The following HHLA1 variants were observed in gnomAD, a reference collection of about 807,000 sequenced individuals.
HHLA1 encodes the protein HHLA1 neighbor of OC90, also known as HERV-H LTR-associating protein 1.
HHLA1 carries 72 observed loss-of-function variants against 69.9 expected under a neutral mutation model. The observed-to-expected ratio is 1.03, with a 90% confidence interval of 0.85 to 1.25. HHLA1 has a LOEUF of 1.25. Among genes scored for constraint, HHLA1 ranks in the 50% most tolerant of loss-of-function variants. HHLA1 has a pLI of 0.00. For missense variants in HHLA1, 685 were observed against 642.2 expected (o/e 1.07, Z -0.72); for synonymous variants, 252 against 233.2 (o/e 1.08, Z -0.73).
At position 132,079,752 on chromosome 8, in the gene HHLA1, T is replaced by C. The variant is rs1390943604; in HGVS notation, c.891A>G (p.Thr297=). 4.5e-6 allele frequency: 7 copies of C among 1,551,280 alleles called. No homozygotes were observed. Among genetic ancestry groups the C allele is most frequent in the African/African-American group, 2.7e-5 (2 of 73,036 alleles). Residue 297 remains threonine, a synonymous_variant, in exon 11 of 17, where the codon ACA becomes ACG. Transcript: ENST00000414222. ...GGAGAGTGTGGGAGGCACTGAACCATGTGGCTGTGGCCCTGGCTGGAAGCT... is the reference window on the plus strand; with the variant it reads ...GGAGAGTGTGGGAGGCACTGAACCACGTGGCTGTGGCCCTGGCTGGAAGCT... ...PPELPARATA[T]WFSASHTLPA... is the part of the protein sequence containing the mutation.
At chr8:132,074,486 A>G (rs1823601385) in intron 14 of HHLA1, among the ~76,000 whole-genome samples, 1 of 152,208 alleles carries the variant, frequency 6.6e-6, no homozygotes, top group Non-Finnish European at 1.5e-5. Context: ...CTCCTGCAGA[A>G]TTATTGTGAA....
At chr8:132,083,457 T>C (rs1394484111) in intron 10 of HHLA1, among the ~76,000 whole-genome samples, 1 of 151,912 alleles carries the variant, frequency 6.6e-6, no homozygotes, top group African/African-American at 2.4e-5. Flanking sequence ...TTGGCGTCCG[T>C]GATGGTCTAG....
chr8:132,109,869 C>T (rs547237118), intron 1 of HHLA1, among the ~76,000 whole-genome samples: 30 of 152,204 alleles, frequency 2.0e-4, no homozygotes, highest in African/African-American at 7.0e-4. Context: ...GGTTAGAAAT[C>T]CAGTCACACT....
chr8:132,083,636 G>T (rs564165869), intron 10 of HHLA1, among the ~76,000 whole-genome samples: 1 of 152,162 alleles, frequency 6.6e-6, no homozygotes, highest in African/African-American at 2.4e-5. Context: ...GATGGGACGC[G>T]GCTTAGGAGG....
chr8:132,107,735 G>A (rs1361804801), intron 1 of HHLA1, among the ~76,000 whole-genome samples: 4 of 152,188 alleles, frequency 2.6e-5, no homozygotes, highest in East Asian at 1.9e-4. Flanking sequence ...GATTAAGGTT[G>A]TTAGATTTAA....
chr8:132,077,724 A>G lies in HHLA1; in HGVS notation c.1171+2T>C. On this transcript the variant is annotated splice_donor_variant, in intron 12 of 16. Coordinates refer to ENST00000414222, the MANE Select transcript of HHLA1 (RefSeq NM_001145095.3). LOFTEE classifies it high-confidence loss of function. Reference sequence around the variant, plus strand: ...GAGGTAGAAGTGAGCACCCTCTCTTACCCAAGGTAGGGCTGGCCTGGGATG... The same window carrying G: ...GAGGTAGAAGTGAGCACCCTCTCTTGCCCAAGGTAGGGCTGGCCTGGGATG... 1.3e-6 allele frequency: 2 copies of G among 1,551,372 alleles called. No homozygotes were observed. Among genetic ancestry groups the G allele is most frequent in the South Asian group, 1.2e-5 (1 of 84,042 alleles).
At chr8:132,098,126 A>C (rs1437389160) in intron 5 of HHLA1, among the ~76,000 whole-genome samples, 1 of 152,220 alleles carries the variant, frequency 6.6e-6, no homozygotes, top group Non-Finnish European at 1.5e-5. Context: ...TAGGTGTTCT[A>C]TGAATATTGA....
Position 132,095,122 on chromosome 8 carries a change from T to C in HHLA1, c.448+397A>G, listed in dbSNP as rs115991300. ...TGTGTTCTTATCAATAACATTGTGC[T>C]CTTTGTATTTTTGTGTAACTTTCTT... On this transcript the variant is annotated intron_variant, in intron 7 of 16. Coordinates refer to ENST00000414222, the MANE Select transcript of HHLA1 (RefSeq NM_001145095.3). Among the ~76,000 whole-genome samples the C allele has an allele frequency of 8.3e-3, 1,260 of 152,338 alleles. 18 individuals carry two copies. Among genetic ancestry groups the C allele is most frequent in the African/African-American group, 0.028 (1,179 of 41,570 alleles).
intron 1 of HHLA1, among the ~76,000 whole-genome samples, chr8:132,106,022 A>G (rs1824196814): frequency 6.6e-6 from 1 of 152,228 alleles, no homozygotes; most frequent in Non-Finnish European, 1.5e-5. Flanking sequence ...GCTAACATTT[A>G]TTGAGCACTT....
intron 7 of HHLA1, among the ~76,000 whole-genome samples, chr8:132,094,027 GGA>G (rs774564840): frequency 6.6e-6 from 1 of 152,130 alleles, no homozygotes; most frequent in Non-Finnish European, 1.5e-5. Context: ...TCTGAAACAG[GGA>G]AGAGTTTACG....
rs1440649922 is a variant in HHLA1, at chr8:132,105,196, A to C, written c.70T>G (p.Trp24Gly). Residue 24 changes from tryptophan to glycine, a missense_variant, in exon 2 of 17, where the codon TGG (tryptophan) becomes GGG (glycine). Physicochemically the swap from Trp to Gly is radical, Grantham distance 184. Coordinates refer to ENST00000414222, the MANE Select transcript of HHLA1 (RefSeq NM_001145095.3). ...CMGLACVLSL[W>G]NTVSGIKGEA... ...CTCCAGCTAGACCCACCTGTGTTCC[A>C]AAGGGACAAGACACATGCCAGGCCC... The C allele has an allele frequency of 6.4e-7, 1 of 1,551,888 alleles. No individual in the cohort carries two copies. The highest frequency in any genetic ancestry group is 1.4e-5 in the African/African-American group (1 of 73,168).
chr8:132,082,765 A>G lies in HHLA1; in HGVS notation c.677-2799T>C, dbSNP rs531593028. On this transcript the variant is annotated intron_variant, in intron 10 of 16. Transcript: ENST00000414222. ...AGTTGTGGAGGAAGGTATTGAGGAC[A>G]AAAGAGGGTACGGGTTGGGCACCAC... Among the ~76,000 whole-genome samples, 9 of 152,324 alleles carry G rather than the reference A, an allele frequency of 5.9e-5. No homozygotes were observed. The South Asian group carries it at 1.9e-3, about 32-fold the overall frequency.
intron 10 of HHLA1, 38 bp from the exon 11 acceptor site, chr8:132,080,004 G>A: frequency 6.4e-7 from 1 of 1,551,830 alleles, no homozygotes; most frequent in Non-Finnish European, 8.7e-7. Flanking sequence ...TAACATGCTT[G>A]ACACTTTGGG....
At chr8:132,092,774 T>C (rs947313929) in intron 7 of HHLA1, among the ~76,000 whole-genome samples, 6 of 152,230 alleles carry the variant, frequency 3.9e-5, no homozygotes, top group South Asian at 2.1e-4. Flanking sequence ...TATTTCTTTA[T>C]AGCAATGTGA....
At chr8:132,076,432 A>AAC in intron 13 of HHLA1, 43 bp downstream of exon 13, 3 of 287,720 alleles carry the variant, frequency 1.0e-5, no homozygotes, top group Non-Finnish European at 1.3e-5. Context: ...CACCCCTCCC[A>AAC]TCCCCCACCC....
intron 1 of HHLA1, among the ~76,000 whole-genome samples, chr8:132,106,874 C>A (rs1824210542): frequency 6.6e-6 from 1 of 152,188 alleles, no homozygotes; most frequent in Admixed American, 6.5e-5. Context: ...GCAATTCCTG[C>A]TGAGTGAGGA....
chr8:132,108,458 G>A (rs189321716), intron 1 of HHLA1, among the ~76,000 whole-genome samples: 103 of 152,142 alleles, frequency 6.8e-4, no homozygotes, highest in Admixed American at 5.7e-3. Flanking sequence ...AAATTTTACC[G>A]TAAAATTAAG....
intron 10 of HHLA1, among the ~76,000 whole-genome samples, chr8:132,083,562 C>T (rs1291412959): frequency 6.6e-6 from 1 of 152,174 alleles, no homozygotes; most frequent in South Asian, 2.1e-4. Context: ...GCCAGCGTTC[C>T]AAGGGCTCTG....
chr8:132,097,810 C>T (rs1586734129), intron 5 of HHLA1, among the ~76,000 whole-genome samples: 2 of 152,166 alleles, frequency 1.3e-5, no homozygotes, highest in East Asian at 1.9e-4. Context: ...GGCATTGGGA[C>T]AGGGATGGAT....
Sources: allele counts gnomAD v4.1 joint callset (sites outside exome capture counted in the v4.1 genomes callset), GRCh38; gene constraint gnomAD v4.1.1; transcripts MANE v1.5; gene names NCBI Gene and HGNC (gene_info 2026-07-23, HGNC 2026-07-21).